AFG2A: variants seen among roughly 807,000 people sequenced by gnomAD.
AFG2A encodes AAA ATPase AFG2A.
the AFG2A span, among the ~76,000 whole-genome samples, chr4:123,257,972 C>T: frequency 2.0e-5 from 3 of 152,104 alleles, no homozygotes; most frequent in Non-Finnish European, 4.4e-5. Flanking sequence ...TTATGTAGTG[C>T]ACTTCTTATT....
At chr4:123,319,202 CA>C in the AFG2A span, 2 of 151,964 alleles carry the variant, frequency 1.3e-5, no homozygotes, top group African/African-American at 4.8e-5. Flanking sequence ...TTTATAGAAC[CA>C]AACTTGAACA....
At chr4:123,021,055 CT>C in the AFG2A span, among the ~76,000 whole-genome samples, 3 of 152,106 alleles carry the variant, frequency 2.0e-5, no homozygotes, top group African/African-American at 7.2e-5. Flanking sequence ...CTGAAAACAG[CT>C]TTTCACTATT....
the AFG2A span, among the ~76,000 whole-genome samples, chr4:123,188,559 T>C: frequency 0.029 from 4,464 of 152,290 alleles, 106 homozygotes; most frequent in Non-Finnish European, 0.039. Context: ...TACACTTGTT[T>C]TTTGCTAGTG....
At chr4:123,062,435 A>AT in the AFG2A span, among the ~76,000 whole-genome samples, 1 of 152,064 alleles carries the variant, frequency 6.6e-6, no homozygotes, top group Non-Finnish European at 1.5e-5. Flanking sequence ...TGAAATAAAG[A>AT]TTTTTTTTAA....
chr4:123,046,612 C>T, the AFG2A span, among the ~76,000 whole-genome samples: 1 of 152,092 alleles, frequency 6.6e-6, no homozygotes, highest in Non-Finnish European at 1.5e-5. Context: ...TCTTCATCAC[C>T]TCAAACATTG....
the AFG2A span, among the ~76,000 whole-genome samples, chr4:123,002,690 G>A: frequency 6.6e-6 from 1 of 152,162 alleles, no homozygotes; most frequent in Non-Finnish European, 1.5e-5. Flanking sequence ...AGTCTGATGG[G>A]CTTCCCTTTG....
At chr4:122,978,266 C>T in the AFG2A span, among the ~76,000 whole-genome samples, 1 of 150,784 alleles carries the variant, frequency 6.6e-6, no homozygotes, top group Non-Finnish European at 1.5e-5. Context: ...GTGTCTACTT[C>T]TCAGCGGAGA....
chr4:123,018,425 TAAA>T, the AFG2A span, among the ~76,000 whole-genome samples: 2 of 152,182 alleles, frequency 1.3e-5, no homozygotes, highest in African/African-American at 2.4e-5. Flanking sequence ...GTTCTAGAAT[TAAA>T]AACAATTTTA....
chr4:122,949,900 C>T, the AFG2A span, among the ~76,000 whole-genome samples: 1 of 152,192 alleles, frequency 6.6e-6, no homozygotes, highest in Non-Finnish European at 1.5e-5. Flanking sequence ...CTAGGCCCTT[C>T]CCCCATGGAG....
chr4:122,961,670 A>G, the AFG2A span, among the ~76,000 whole-genome samples: 1 of 152,030 alleles, frequency 6.6e-6, no homozygotes, highest in Non-Finnish European at 1.5e-5. Context: ...ACGCCTGGCT[A>G]ATTTTTGTAT....
At chr4:123,108,147 G>A in the AFG2A span, among the ~76,000 whole-genome samples, 5 of 152,298 alleles carry the variant, frequency 3.3e-5, no homozygotes, top group East Asian at 5.8e-4. Context: ...TCACAGCCGC[G>A]CTCCAGACGG....
the AFG2A span, among the ~76,000 whole-genome samples, chr4:123,201,874 A>G: frequency 6.6e-6 from 1 of 152,144 alleles, no homozygotes; most frequent in Non-Finnish European, 1.5e-5. Flanking sequence ...GTGGGCTGAG[A>G]TGATGCCGCT....
At chr4:123,000,851 A>G in the AFG2A span, among the ~76,000 whole-genome samples, 5 of 76,540 alleles carry the variant, frequency 6.5e-5, no homozygotes, top group Non-Finnish European at 9.8e-5. Context: ...CTCTTTTTCT[A>G]TTGATTGGAA....
chr4:122,927,684 C>T, the AFG2A span: 1 of 1,612,924 alleles, frequency 6.2e-7, no homozygotes, highest in East Asian at 2.2e-5. Context: ...TCATCTTGGA[C>T]TCAACACTAT....
At chr4:123,266,910 G>A in the AFG2A span, among the ~76,000 whole-genome samples, 1 of 151,846 alleles carries the variant, frequency 6.6e-6, no homozygotes, top group Non-Finnish European at 1.5e-5. Context: ...TAATTGTTTA[G>A]GAAATAAGCA....
At chr4:123,178,090 C>CT in the AFG2A span, among the ~76,000 whole-genome samples, 1 of 152,138 alleles carries the variant, frequency 6.6e-6, no homozygotes, top group African/African-American at 2.4e-5. Flanking sequence ...ATACAAGACT[C>CT]TTTCTATAAA....
chr4:122,937,007 T>C, the AFG2A span, among the ~76,000 whole-genome samples: 2 of 151,882 alleles, frequency 1.3e-5, no homozygotes, highest in Non-Finnish European at 2.9e-5. Flanking sequence ...AAATAATTAG[T>C]TGGGCATGGT....
chr4:123,166,486 TAGTATCAATCAAAATTTGA>T, the AFG2A span, among the ~76,000 whole-genome samples: 1 of 152,208 alleles, frequency 6.6e-6, no homozygotes, highest in Non-Finnish European at 1.5e-5. Context: ...TCTGCCCCTC[TAGTATCAATCAAAATTTGA>T]AGTATCAATC....
At chr4:123,023,826 G>A in the AFG2A span, among the ~76,000 whole-genome samples, 2 of 151,966 alleles carry the variant, frequency 1.3e-5, no homozygotes, top group African/African-American at 4.8e-5. Context: ...CGGCCTTCCT[G>A]GCTTCTGGTT....
Sources: gnomAD v4.1 joint callset for allele counts (sites outside exome capture counted in the v4.1 genomes callset) on GRCh38, gnomAD v4.1.1 for gene constraint, MANE v1.5 for transcripts, NCBI Gene and HGNC (gene_info 2026-07-23, HGNC 2026-07-21) for gene names.